The following AGMO variants were observed in gnomAD, a reference collection of about 807,000 sequenced individuals.
AGMO encodes glyceryl-ether monooxygenase.
A neutral mutation model predicts 60.2 loss-of-function variants in AGMO; 75 were observed. That is an observed-to-expected ratio of 1.25 (90% CI 1.03 to 1.51). AGMO has a LOEUF of 1.51. Ranked by LOEUF, AGMO falls within the 40% of genes most tolerant of loss-of-function variation. AGMO has a pLI of 0.00. For missense variants in AGMO, 763 were observed against 525.5 expected (o/e 1.45, Z -4.42); for synonymous variants, 261 against 177.1 (o/e 1.47, Z -3.76).
At chr7:15,296,615 A>T (rs1228419607) in intron 12 of AGMO, among the ~76,000 whole-genome samples, 2 of 152,222 alleles carry the variant, frequency 1.3e-5, no homozygotes, top group African/African-American at 4.8e-5. Flanking sequence ...TATAAATAAC[A>T]TTTGTAATAA....
intron 12 of AGMO, among the ~76,000 whole-genome samples, chr7:15,263,453 A>T (rs543164438): frequency 6.6e-6 from 1 of 152,232 alleles, no homozygotes; most frequent in South Asian, 2.1e-4. Flanking sequence ...AAAAGGGAAC[A>T]CTTTTATACT....
At chr7:15,121,043 G>C in the AGMO span, among the ~76,000 whole-genome samples, 72 of 152,092 alleles carry the variant, frequency 4.7e-4, no homozygotes, top group African/African-American at 1.6e-3. Flanking sequence ...TCATTGTTCA[G>C]TTCCCACATG....
intron 6 of AGMO, among the ~76,000 whole-genome samples, chr7:15,393,847 C>T (rs918144008): frequency 1.8e-4 from 28 of 152,096 alleles, no homozygotes; most frequent in African/African-American, 6.3e-4. Flanking sequence ...AACTCATTTT[C>T]TACAACAGTG....
chr7:15,359,389 T>A (rs1228511513), intron 12 of AGMO, among the ~76,000 whole-genome samples: 1 of 151,606 alleles, frequency 6.6e-6, no homozygotes, highest in South Asian at 2.1e-4. Context: ...ATGCTTTGGG[T>A]GTTTCTAATG....
the AGMO span, among the ~76,000 whole-genome samples, chr7:15,146,883 T>G: frequency 1.3e-5 from 2 of 152,196 alleles, no homozygotes; most frequent in Non-Finnish European, 2.9e-5. Context: ...TTCAGTGAAA[T>G]GTAAAGATTT....
intron 12 of AGMO, among the ~76,000 whole-genome samples, chr7:15,260,579 A>ATATTCCACTGACAGCACTAGACAGGTC (rs1395120394): frequency 3.9e-5 from 6 of 152,112 alleles, no homozygotes; most frequent in Non-Finnish European, 7.4e-5. Context: ...GGGGACTTTA[A>ATATTCCACTGACAGCACTAGACAGGTC]TATTCCACTG....
chr7:15,248,207 T>TATATATATATATATATAC (rs1782817369), intron 12 of AGMO, among the ~76,000 whole-genome samples: 5 of 99,222 alleles, frequency 5.0e-5, no homozygotes, highest in Admixed American at 4.1e-4. Context: ...TATATATATA[T>TATATATATATATATATAC]ATATATATAT....
intron 3 of AGMO, among the ~76,000 whole-genome samples, chr7:15,484,028 T>G (rs964196312): frequency 2.6e-5 from 4 of 152,148 alleles, no homozygotes; most frequent in African/African-American, 7.2e-5. Flanking sequence ...CCTATTCATT[T>G]TGGTGAGTAT....
chr7:15,499,060 A>C (rs1025125649), intron 3 of AGMO, among the ~76,000 whole-genome samples: 3 of 151,922 alleles, frequency 2.0e-5, no homozygotes, highest in Admixed American at 2.0e-4. Flanking sequence ...ATTGAAAAAC[A>C]CTTAAAGTTC....
intron 12 of AGMO, among the ~76,000 whole-genome samples, chr7:15,334,722 T>C (rs1238020687): frequency 1.3e-5 from 2 of 152,192 alleles, no homozygotes; most frequent in Non-Finnish European, 2.9e-5. Context: ...ACATGCAATG[T>C]CTGAAGCACA....
chr7:15,310,716 T>C (rs562901717), intron 12 of AGMO, among the ~76,000 whole-genome samples: 2 of 152,304 alleles, frequency 1.3e-5, no homozygotes, highest in South Asian at 2.1e-4. Context: ...AGCCACAAAC[T>C]TAATGGCTTA....
At chr7:15,140,399 A>G in the AGMO span, among the ~76,000 whole-genome samples, 2 of 152,018 alleles carry the variant, frequency 1.3e-5, no homozygotes, top group Admixed American at 6.6e-5. Context: ...CTACAATGCT[A>G]TTAGCATAAG....
chr7:15,249,779 A>T (rs1782878493), intron 12 of AGMO, among the ~76,000 whole-genome samples: 1 of 152,086 alleles, frequency 6.6e-6, no homozygotes, highest in South Asian at 2.1e-4. Flanking sequence ...TGTCTGGGAG[A>T]TGGGTAGGAA....
At chr7:15,164,105 C>A in the AGMO span, among the ~76,000 whole-genome samples, 3 of 151,992 alleles carry the variant, frequency 2.0e-5, no homozygotes, top group Non-Finnish European at 2.9e-5. Context: ...ATACTTACAA[C>A]CAACTGATCT....
At chr7:15,178,163 TCTC>T in the AGMO span, among the ~76,000 whole-genome samples, 1 of 152,146 alleles carries the variant, frequency 6.6e-6, no homozygotes, top group Non-Finnish European at 1.5e-5. Context: ...TGCCTTACCA[TCTC>T]CTCTTTTTAT....
At chr7:15,384,979 A>C (rs977369690) in intron 10 of AGMO, among the ~76,000 whole-genome samples, 1 of 152,014 alleles carries the variant, frequency 6.6e-6, no homozygotes, top group African/African-American at 2.4e-5. Flanking sequence ...TTCTATTTGC[A>C]CCAGACAAAT....
intron 12 of AGMO, among the ~76,000 whole-genome samples, chr7:15,237,079 G>T (rs1782445498): frequency 6.6e-6 from 1 of 152,098 alleles, no homozygotes; most frequent in Admixed American, 6.6e-5. Flanking sequence ...TGTGAAATCA[G>T]TCTCAAATGT....
rs116729908 is a variant in AGMO at position 15,420,208 on chromosome 7, A to G, written c.514-1555T>C. 5.6e-3 allele frequency among the ~76,000 whole-genome samples: 855 copies of G among 152,236 alleles called. 6 individuals are homozygous for G. The highest frequency in any genetic ancestry group is 0.019 in the African/African-American group (807 of 41,562). Reference sequence around the variant, plus strand: ...CTATTATGGAAAAAGTGGTTAAAAGATCAGATAAGTCGTGAAGTGGTAAAT... The same window carrying G: ...CTATTATGGAAAAAGTGGTTAAAAGGTCAGATAAGTCGTGAAGTGGTAAAT... On this transcript the variant is annotated intron_variant, in intron 4 of 12. Coordinates refer to ENST00000342526, the MANE Select transcript of AGMO (RefSeq NM_001004320.2).
intron 12 of AGMO, among the ~76,000 whole-genome samples, chr7:15,342,172 T>TTA (rs1554418915): frequency 5.5e-5 from 3 of 54,304 alleles, no homozygotes; most frequent in African/African-American, 9.3e-5. Context: ...CCCACAGAGT[T>TTA]AAAAAAAAAA....
Sources: gnomAD v4.1 joint callset for allele counts (sites outside exome capture counted in the v4.1 genomes callset) on GRCh38, gnomAD v4.1.1 for gene constraint, MANE v1.5 for transcripts, NCBI Gene and HGNC (gene_info 2026-07-23, HGNC 2026-07-21) for gene names.